Variants in MAVS observed in about 807,000 individuals in gnomAD.
The protein encoded by MAVS is mitochondrial antiviral-signaling protein.
MAVS carries 20 observed loss-of-function variants against 30.2 expected under a neutral mutation model. The observed-to-expected ratio is 0.66, with a 90% CI of 0.47 to 0.96. The LOEUF is 0.96. MAVS is among the 40% of genes least tolerant of loss of function. The pLI, the probability that MAVS is intolerant of heterozygous loss-of-function variation, is 0.00. For missense variants in MAVS, 624 were observed against 701.1 expected, an observed-to-expected ratio of 0.89 and a Z score of 1.24; for synonymous variants, 278 against 293.9, an observed-to-expected ratio of 0.95 and a Z score of 0.55.
chr20:3,863,823 C>T (rs6084502), intron 5 of MAVS, among the ~76,000 whole-genome samples: 3 of 152,236 alleles, frequency 2.0e-5, no homozygotes, highest in African/African-American at 7.2e-5. Context: ...ATGAGCCATC[C>T]TGCCACCCCT....
In MAVS at chr20:3,868,897, T is replaced by C. The variant is rs944857970; in HGVS notation, c.*2750T>C. On this transcript the variant is annotated 3_prime_UTR_variant, in exon 7 of 7. Coordinates refer to ENST00000428216, the MANE Select transcript of MAVS (RefSeq NM_020746.5). Reference sequence around the variant, plus strand: ...ATACTCTGTCTCAAAGAAAAAAAATTATAATTTTAGCACAGTAACCAGCCA... The same window carrying C: ...ATACTCTGTCTCAAAGAAAAAAAATCATAATTTTAGCACAGTAACCAGCCA... 1.3e-5 allele frequency: 2 copies of C among 152,176 alleles called. No individual in the cohort carries two copies. Among genetic ancestry groups the C allele is most frequent in the African/African-American group, 4.8e-5 (2 of 41,400 alleles). 9.4% of individuals were successfully genotyped at this position (152,176 alleles called of 1,614,324 possible).
intron 1 of MAVS, among the ~76,000 whole-genome samples, chr20:3,852,007 T>TTTTTTTTTTTTTTTTTTTTC (rs1555779718): frequency 1.8e-5 from 1 of 57,050 alleles, no homozygotes; most frequent in African/African-American, 5.6e-5. Flanking sequence ...TTTTTTTTTT[T>TTTTTTTTTTTTTTTTTTTTC]CCCCCGAGAC....
At chr20:3,848,381 G>A (rs942967427) in intron 1 of MAVS, among the ~76,000 whole-genome samples, 15 of 152,176 alleles carry the variant, frequency 9.9e-5, no homozygotes, top group East Asian at 1.9e-4. Context: ...TTCCAGGCGT[G>A]AGCCACCGCG....
chr20:3,854,578 T>A lies in MAVS; in HGVS notation c.-47T>A. The A allele has an allele frequency of 2.2e-6, 3 of 1,366,130 alleles. No individual in the cohort carries two copies. Among genetic ancestry groups the A allele is most frequent in the Non-Finnish European group, 3.1e-6 (3 of 962,986 alleles). The allele number at this position is 1,366,130 out of a possible 1,614,324, so 84.6% of individuals were successfully genotyped here. A position where few individuals can be genotyped will look rare whatever the true frequency, so the allele number is the denominator to read the frequency against. On this transcript the variant is annotated 5_prime_UTR_variant, in exon 2 of 7. Coordinates refer to ENST00000428216, the MANE Select transcript of MAVS (RefSeq NM_020746.5). ...TCCAGTCTCGTTTCCTCTCAGTCCA[T>A]CCACCCTTCATGGGGCCAGAGCCCT...
intron 1 of MAVS, among the ~76,000 whole-genome samples, chr20:3,847,311 C>T (rs934449994): frequency 1.3e-5 from 2 of 152,124 alleles, no homozygotes; most frequent in Admixed American, 1.3e-4. Context: ...TGGGTCTGGA[C>T]AGTTCTCGGC....
intron 2 of MAVS, among the ~76,000 whole-genome samples, chr20:3,856,643 A>C (rs1382396998): frequency 6.6e-6 from 1 of 151,580 alleles, no homozygotes; most frequent in Admixed American, 6.6e-5. Flanking sequence ...GCACCTGGCT[A>C]TTTTCCTTTT....
At chr20:3,848,246 G>GCACA (rs1568530406) in intron 1 of MAVS, among the ~76,000 whole-genome samples, 6 of 152,016 alleles carry the variant, frequency 3.9e-5, no homozygotes, top group South Asian at 2.1e-4. Flanking sequence ...CTACAGGTGT[G>GCACA]TGCCACCATG....
rs1433526046 is a variant in MAVS, at chr20:3,867,587, C to T, written c.*1440C>T. The T allele has an allele frequency of 6.5e-6, 1 of 154,026 alleles. No homozygotes were observed. The highest frequency in any genetic ancestry group is 1.4e-5 in the Non-Finnish European group (1 of 69,276). 9.5% of individuals were successfully genotyped at this position (154,026 alleles called of 1,614,324 possible). On this transcript the variant is annotated 3_prime_UTR_variant, in exon 7 of 7. Transcript: ENST00000428216. ...CTCCAACCTGGGTGAGAGAGCGAGA[C>T]CCTGTCTCAAGAAAAAGAAAAATGC...
rs538587732 is a variant in MAVS, at chr20:3,863,274, TGGACCTCTCA to T, written c.625+864_625+873del. Among the ~76,000 whole-genome samples the T allele has an allele frequency of 3.2e-3, 493 of 152,340 alleles. 1 individual carries two copies. Among genetic ancestry groups the T allele is most frequent in the Non-Finnish European group, 5.8e-3 (393 of 68,034 alleles). ...CCTCAGAAATATATAGTTGTCCATC[TGGACCTCTCA>T]GGCCAGCATGTCTCTTTCCTACTTC... On this transcript the variant is annotated intron_variant, in intron 5 of 6. Coordinates refer to ENST00000428216, the MANE Select transcript of MAVS (RefSeq NM_020746.5).
At chr20:3,850,274 CAAAAAAAAAAAAAAAAAA>C (rs71195864) in intron 1 of MAVS, among the ~76,000 whole-genome samples, 5 of 44,458 alleles carry the variant, frequency 1.1e-4, no homozygotes, top group African/African-American at 4.4e-4. Flanking sequence ...GAGACTGTCT[CAAAAAAAAAAAAAAAAAA>C]AAAAAAAGAA....
rs200861245 is a variant in MAVS at position 3,857,638 on chromosome 20, C to T, written c.121C>T (p.Arg41Ter). The change falls in exon 3 of 7, where the codon CGA becomes TGA. Residue 41 changes from arginine to a stop codon, truncating the protein, a stop_gained. Coordinates refer to ENST00000428216, the MANE Select transcript of MAVS (RefSeq NM_020746.5). LOFTEE classifies it high-confidence loss of function. ...LPCLTARDQD[R>*]LRATCTLSGN... ...ACAGTGGCATTGTGTCTTCCAGGAT[C>T]GACTGCGGGCCACCTGCACACTCTC... The T allele has an allele frequency of 1.9e-5, 30 of 1,609,322 alleles. No homozygotes were observed. Among genetic ancestry groups the T allele is most frequent in the South Asian group, 1.8e-4 (16 of 90,610 alleles).
At chr20:3,855,614 G>A (rs1047224565) in intron 2 of MAVS, among the ~76,000 whole-genome samples, 2 of 152,100 alleles carry the variant, frequency 1.3e-5, no homozygotes, top group African/African-American at 2.4e-5. Flanking sequence ...GGGGCCTCCT[G>A]TCCTCAGATT....
Position 3,874,259 on chromosome 20 carries a change from G to T in MAVS, c.*8112G>T, listed in dbSNP as rs144606453. On this transcript the variant is annotated 3_prime_UTR_variant, in exon 7 of 7. Coordinates refer to ENST00000428216, the MANE Select transcript of MAVS (RefSeq NM_020746.5). ...TGATCCATGGTGTTAGAAGCCAGGG[G>T]AACAGTTAACAGGGGAGGGATACTG... is the stretch of plus-strand genomic sequence containing the variant. The T allele has an allele frequency of 1.8e-4, 71 of 398,580 alleles. No individual in the cohort carries two copies. The Middle Eastern group carries it at 3.8e-3, about 21-fold the overall frequency. 24.7% of individuals were successfully genotyped at this position (398,580 alleles called of 1,614,324 possible). A position where few individuals can be genotyped will look rare whatever the true frequency, so the allele number is the denominator to read the frequency against.
intron 1 of MAVS, among the ~76,000 whole-genome samples, chr20:3,849,815 C>A (rs6084496): frequency 1.3e-5 from 2 of 152,090 alleles, no homozygotes; most frequent in Non-Finnish European, 2.9e-5. Context: ...TTTGTCCCAC[C>A]CCATTAGAAT....
chr20:3,862,355 T>C lies in MAVS; in HGVS notation c.567T>C (p.Pro189=). ...CCTCTGACCTGGCAGCCCTCAGCCC[T>C]CTGACCTCCAGCGGGCATCAGGAGC... is the stretch of plus-strand genomic sequence containing the variant. ...ESSSDLAALS[P]LTSSGHQEQD... is the part of the protein sequence containing the mutation. Residue 189 remains proline, a synonymous_variant, in exon 5 of 7, where the codon CCT becomes CCC. Transcript: ENST00000428216. 1 of 1,614,084 alleles carries C rather than the reference T, an allele frequency of 6.2e-7. No individual in the cohort carries two copies. The highest frequency in any genetic ancestry group is 1.1e-5 in the South Asian group (1 of 91,076).
chr20:3,854,005 G>T (rs13041155), intron 1 of MAVS, among the ~76,000 whole-genome samples: 28,321 of 145,662 alleles, frequency 0.19, 3,411 homozygotes, highest in East Asian at 0.57. Flanking sequence ...CTCCATGTTG[G>T]TCAGTCTGGT....
chr20:3,858,901 G>A (rs1453081015), intron 3 of MAVS, among the ~76,000 whole-genome samples: 1 of 151,450 alleles, frequency 6.6e-6, no homozygotes, highest in Non-Finnish European at 1.5e-5. Context: ...CTGGACTCAA[G>A]TGATCCTTCT....
At chr20:3,848,804 C>G (rs2089732725) in intron 1 of MAVS, among the ~76,000 whole-genome samples, 1 of 152,200 alleles carries the variant, frequency 6.6e-6, no homozygotes, top group African/African-American at 2.4e-5. Context: ...CTGCTCCTCC[C>G]CTGGCTTCTC....
chr20:3,864,585 G>T lies in MAVS; in HGVS notation c.955G>T (p.Val319Phe). The change falls in exon 6 of 7, where the codon GTC (valine) becomes TTC (phenylalanine). Residue 319 changes from valine (V) to phenylalanine (F), a missense_variant. Physicochemically the swap from Val to Phe is conservative, Grantham distance 50 (BLOSUM62 -1). Coordinates refer to ENST00000428216, the MANE Select transcript of MAVS (RefSeq NM_020746.5). Reference protein sequence around the residue: ...ALKVPANPASVSTVPSKLPTS... With the variant: ...ALKVPANPASFSTVPSKLPTS... Reference sequence around the variant, plus strand: ...GAAAGTGCCTGCCAACCCAGCATCTGTCAGCACAGTGCCCTCCAAGTTGCC... The same window carrying T: ...GAAAGTGCCTGCCAACCCAGCATCTTTCAGCACAGTGCCCTCCAAGTTGCC... 6.2e-7 allele frequency: 1 copy of T among 1,614,176 alleles called. No individual in the cohort carries two copies. Among genetic ancestry groups the T allele is most frequent in the Non-Finnish European group, 8.5e-7 (1 of 1,180,044 alleles).
Sources: gnomAD v4.1 joint callset for allele counts (sites outside exome capture counted in the v4.1 genomes callset) on GRCh38, gnomAD v4.1.1 for gene constraint, MANE v1.5 for transcripts, NCBI Gene and HGNC (gene_info 2026-07-23, HGNC 2026-07-21) for gene names.